The following ZNF385D variants were observed in gnomAD, a reference collection of about 807,000 sequenced individuals.
ZNF385D encodes the protein zinc finger protein 659.
In ZNF385D, 15 loss-of-function variants were observed where a neutral mutation model predicts 35.8. The ratio of observed to expected loss-of-function variants is 0.42; its 90% CI spans 0.28 to 0.64. The LOEUF (loss-of-function observed/expected upper bound fraction) is 0.64. Among genes scored for constraint, ZNF385D ranks in the 30% least tolerant of loss-of-function variants. The pLI is 0.23. For synonymous variants in ZNF385D, 212 were observed against 186.8 expected (o/e 1.13, Z -1.10); for missense variants, 474 against 494.6 (o/e 0.96, Z 0.39).
At chr3:21,663,181 T>C (rs1165571339) in intron 2 of ZNF385D, among the ~76,000 whole-genome samples, 1 of 152,150 alleles carries the variant, frequency 6.6e-6, no homozygotes, top group Admixed American at 6.6e-5. Context: ...TATCATACCT[T>C]TTATTTTAAA....
intron 3 of ZNF385D, among the ~76,000 whole-genome samples, chr3:21,518,205 C>T (rs1028397036): frequency 1.3e-5 from 2 of 152,016 alleles, no homozygotes; most frequent in Non-Finnish European, 2.9e-5. Flanking sequence ...ATATTACTCA[C>T]CCTAAAAATT....
chr3:21,865,995 A>G (rs1424725802), intron 3 of ZNF385D, among the ~76,000 whole-genome samples: 1 of 152,080 alleles, frequency 6.6e-6, no homozygotes, highest in Non-Finnish European at 1.5e-5. Context: ...ATACTAGATT[A>G]TATTATCATT....
At chr3:21,622,007 G>A (rs2065023431) in intron 2 of ZNF385D, among the ~76,000 whole-genome samples, 1 of 151,930 alleles carries the variant, frequency 6.6e-6, no homozygotes, top group South Asian at 2.1e-4. Flanking sequence ...CCTTAGCGAG[G>A]AACATGTGCT....
At chr3:22,305,526 C>T (rs1225185147) in intron 2 of ZNF385D, among the ~76,000 whole-genome samples, 2 of 152,104 alleles carry the variant, frequency 1.3e-5, no homozygotes, top group African/African-American at 4.8e-5. Context: ...TGTCATCTTC[C>T]CCGTGTCTCA....
chr3:22,104,881 TAC>T (rs1251982181), intron 3 of ZNF385D, among the ~76,000 whole-genome samples: 2 of 152,130 alleles, frequency 1.3e-5, no homozygotes, highest in African/African-American at 2.4e-5. Context: ...CTCCAGGGAA[TAC>T]AGTGACTGCT....
intron 3 of ZNF385D, among the ~76,000 whole-genome samples, chr3:21,767,504 C>T (rs1389774529): frequency 6.6e-6 from 1 of 152,038 alleles, no homozygotes; most frequent in Non-Finnish European, 1.5e-5. Flanking sequence ...TGACTCCATA[C>T]TTGCCAGTTC....
At chr3:21,825,275 G>C (rs1414382950) in intron 3 of ZNF385D, among the ~76,000 whole-genome samples, 1 of 152,120 alleles carries the variant, frequency 6.6e-6, no homozygotes, top group African/African-American at 2.4e-5. Context: ...TATGAAGCTT[G>C]CATCTAACTC....
intron 2 of ZNF385D, among the ~76,000 whole-genome samples, chr3:22,266,200 T>G (rs2125353554): frequency 6.6e-6 from 1 of 152,094 alleles, no homozygotes; most frequent in Admixed American, 6.6e-5. Context: ...TCTCTCTTGT[T>G]TGGAAGAGGA....
intron 3 of ZNF385D, among the ~76,000 whole-genome samples, chr3:22,023,448 C>T (rs935168885): frequency 1.3e-5 from 2 of 152,106 alleles, no homozygotes; most frequent in African/African-American, 4.8e-5. Flanking sequence ...AAGGATCACA[C>T]TGAGAAACTA....
chr3:21,461,968 A>G (rs1703208966), intron 4 of ZNF385D, among the ~76,000 whole-genome samples: 1 of 152,216 alleles, frequency 6.6e-6, no homozygotes, highest in African/African-American at 2.4e-5. Context: ...TTAGAGTGAT[A>G]GTTAAAAGTA....
intron 3 of ZNF385D, among the ~76,000 whole-genome samples, chr3:21,909,985 A>C (rs1699882107): frequency 6.6e-6 from 1 of 151,998 alleles, no homozygotes; most frequent in Non-Finnish European, 1.5e-5. Flanking sequence ...TGGCCAGAAA[A>C]ACAGTATAAA....
chr3:21,417,087 T>C lies in ZNF385D; in HGVS notation c.*4127A>G, dbSNP rs1175041451. On this transcript the variant is annotated 3_prime_UTR_variant, in exon 8 of 8. Coordinates refer to ENST00000281523, the MANE Select transcript of ZNF385D (RefSeq NM_024697.3). ...GAAATGTACATTCTGGTTGAGCATATGAATGACCTACAATATGGCTTACAC... is the reference window on the plus strand; with the variant it reads ...GAAATGTACATTCTGGTTGAGCATACGAATGACCTACAATATGGCTTACAC... 2.0e-5 allele frequency: 3 copies of C among 152,216 alleles called. No homozygotes were observed. The highest frequency in any genetic ancestry group is 4.2e-4 in the South Asian group (2 of 4,818). 9.4% of individuals were successfully genotyped at this position (152,216 alleles called of 1,614,324 possible).
chr3:22,199,462 G>GT (rs1362611215), intron 2 of ZNF385D, among the ~76,000 whole-genome samples: 1 of 152,076 alleles, frequency 6.6e-6, no homozygotes, highest in Non-Finnish European at 1.5e-5. Flanking sequence ...TTAGGCCATG[G>GT]TAATATTAGG....
At chr3:22,149,323 AAC>A (rs1171500830) in intron 3 of ZNF385D, among the ~76,000 whole-genome samples, 1 of 152,172 alleles carries the variant, frequency 6.6e-6, no homozygotes, top group Admixed American at 6.5e-5. Flanking sequence ...AATTACAGAT[AAC>A]ACTTATTTTG....
At chr3:22,110,213 T>C (rs1469286026) in intron 3 of ZNF385D, among the ~76,000 whole-genome samples, 1 of 151,852 alleles carries the variant, frequency 6.6e-6, no homozygotes. Flanking sequence ...GTTCAACCAT[T>C]GTGGAAGTCA....
chr3:21,849,861 T>A (rs1696273887), intron 3 of ZNF385D: 1 of 152,104 alleles, frequency 6.6e-6, no homozygotes, highest in African/African-American at 2.4e-5. Flanking sequence ...TTCTCCTGCC[T>A]CTGCCTTCAA....
At chr3:22,183,983 G>C (rs986649906) in intron 2 of ZNF385D, among the ~76,000 whole-genome samples, 3 of 152,008 alleles carry the variant, frequency 2.0e-5, no homozygotes, top group Non-Finnish European at 4.4e-5. Flanking sequence ...ACAAAACTAT[G>C]AGTTTCACTT....
At chr3:22,215,268 G>T (rs931172938) in intron 2 of ZNF385D, among the ~76,000 whole-genome samples, 4 of 152,150 alleles carry the variant, frequency 2.6e-5, no homozygotes, top group African/African-American at 9.6e-5. Context: ...TAACAGCAAT[G>T]TTCAAGGAAC....
At chr3:21,552,742 C>T (rs2062610273) in intron 3 of ZNF385D, among the ~76,000 whole-genome samples, 1 of 152,098 alleles carries the variant, frequency 6.6e-6, no homozygotes, top group Non-Finnish European at 1.5e-5. Flanking sequence ...AATAAAATGG[C>T]GGTATCTGTG....
Sources: allele counts gnomAD v4.1 joint callset (sites outside exome capture counted in the v4.1 genomes callset), GRCh38; gene constraint gnomAD v4.1.1; transcripts MANE v1.5; gene names NCBI Gene and HGNC (gene_info 2026-07-23, HGNC 2026-07-21).